PIWIL2: variants seen among roughly 807,000 people sequenced by gnomAD.
PIWIL2 encodes the protein piwi-like protein 2.
A neutral mutation model predicts 116.5 loss-of-function variants in PIWIL2; 81 were observed. The observed-to-expected ratio is 0.70, with a 90% CI of 0.58 to 0.84. The LOEUF is 0.84. Ranked by LOEUF, PIWIL2 falls within the 40% of genes least tolerant of loss-of-function variation. The probability of loss-of-function intolerance (pLI) is 0.00; values close to 1 mark genes in which losing one functional copy is unlikely to be tolerated. For synonymous variants in PIWIL2, 489 were observed against 429.5 expected (o/e 1.14, Z -1.71); for missense variants, 1,272 against 1,212.3 (o/e 1.05, Z -0.73).
At chr8:22,287,295 AG>A (rs1327197068) in intron 6 of PIWIL2, among the ~76,000 whole-genome samples, 2 of 152,224 alleles carry the variant, frequency 1.3e-5, no homozygotes, top group Admixed American at 6.5e-5. Context: ...GTGCTAAGGC[AG>A]GTGTCCTTTG....
At position 22,281,492 on chromosome 8, in the gene PIWIL2, A is replaced by G. The variant is rs368889743; in HGVS notation, c.402A>G (p.Ala134=). ...KVLAAGDSKM[A]ETSVGWSRTL... ...TGGCGGCTGGGGACAGCAAGATGGC[A>G]GAGACCTCCGTTGGTTGGAGTAGGT... The change falls in exon 4 of 23, where the codon GCA becomes GCG. Residue 134 remains alanine (A), a synonymous_variant. Transcript: ENST00000356766. 8.2e-6 allele frequency: 13 copies of G among 1,590,040 alleles called. No homozygotes were observed. The highest frequency in any genetic ancestry group is 1.1e-5 in the Non-Finnish European group (13 of 1,174,408).
chr8:22,345,305 C>T (rs908108349), intron 20 of PIWIL2, among the ~76,000 whole-genome samples: 39 of 152,184 alleles, frequency 2.6e-4, no homozygotes, highest in Non-Finnish European at 4.4e-4. Flanking sequence ...AAACACAAGT[C>T]CACACAAAAA....
chr8:22,281,167 A>G lies in PIWIL2; in HGVS notation c.246A>G (p.Thr82=). The G allele has an allele frequency of 1.9e-6, 3 of 1,612,884 alleles. No individual in the cohort carries two copies. Among genetic ancestry groups the G allele is most frequent in the Non-Finnish European group, 2.5e-6 (3 of 1,179,512 alleles). Reference sequence around the variant, plus strand: ...TGTTCCGAGGCCTGGGCATTGAAACAGTTTCTAAGACCCCTCTGAAACGGG... The same window carrying G: ...TGTTCCGAGGCCTGGGCATTGAAACGGTTTCTAAGACCCCTCTGAAACGGG... ...VSMFRGLGIE[T]VSKTPLKREM... is the part of the protein sequence containing the mutation. Residue 82 remains threonine (T), a synonymous_variant, in exon 3 of 23, where the codon ACA becomes ACG. Transcript: ENST00000356766.
At chr8:22,318,393 C>G in intron 20 of PIWIL2, 118 bp downstream of exon 20, 2 of 588,032 alleles carry the variant, frequency 3.4e-6, no homozygotes, top group Non-Finnish European at 6.1e-6. Flanking sequence ...TCTCTGTTCA[C>G]TGCAACCTCT....
chr8:22,306,803 C>G (rs1831192802), intron 13 of PIWIL2, among the ~76,000 whole-genome samples: 1 of 152,162 alleles, frequency 6.6e-6, no homozygotes, highest in Non-Finnish European at 1.5e-5. Context: ...AAGGCCTTTT[C>G]TATACAACTC....
chr8:22,335,934 A>G (rs938803449), intron 20 of PIWIL2, among the ~76,000 whole-genome samples: 2 of 152,214 alleles, frequency 1.3e-5, no homozygotes, highest in Non-Finnish European at 1.5e-5. Flanking sequence ...AAAAGAGTCA[A>G]TCCATGAGAA....
chr8:22,300,032 C>T lies in PIWIL2; in HGVS notation c.1182-3989C>T, dbSNP rs1020294951. 3.9e-5 allele frequency among the ~76,000 whole-genome samples: 6 copies of T among 152,154 alleles called. 1 individual carries two copies. Among genetic ancestry groups the T allele is most frequent in the African/African-American group, 4.8e-5 (2 of 41,508 alleles). On this transcript the variant is annotated intron_variant, in intron 10 of 22. Coordinates refer to ENST00000356766, the MANE Select transcript of PIWIL2 (RefSeq NM_018068.5). ...TCAGCTCGCTGCAACCTCCATCTCC[C>T]GGGTTCAGGTGATTCTCCTGCCTAG...
chr8:22,313,232 C>A (rs191991557), intron 16 of PIWIL2, among the ~76,000 whole-genome samples: 2 of 152,226 alleles, frequency 1.3e-5, no homozygotes, highest in Admixed American at 1.3e-4. Flanking sequence ...TATGAGGAAT[C>A]ACAAACTCGT....
chr8:22,333,103 C>T (rs979314485), intron 20 of PIWIL2, among the ~76,000 whole-genome samples: 4 of 151,926 alleles, frequency 2.6e-5, no homozygotes, highest in East Asian at 1.9e-4. Context: ...TACTCATTTA[C>T]GTTACACTTT....
At chr8:22,354,554 C>T (rs1223515355) in intron 22 of PIWIL2, among the ~76,000 whole-genome samples, 176 bp downstream of exon 22, 2 of 152,076 alleles carry the variant, frequency 1.3e-5, no homozygotes, top group Non-Finnish European at 2.9e-5. Context: ...ATTAAAATTA[C>T]TTTTACTTAA....
At chr8:22,300,014 G>A (rs1412030365) in intron 10 of PIWIL2, among the ~76,000 whole-genome samples, 7 of 151,728 alleles carry the variant, frequency 4.6e-5, no homozygotes, top group African/African-American at 1.5e-4. Context: ...ATCTCAGCTC[G>A]CTGCAACCTC....
intron 10 of PIWIL2, among the ~76,000 whole-genome samples, chr8:22,292,132 G>A (rs1384013462): frequency 6.6e-6 from 1 of 152,162 alleles, no homozygotes; most frequent in Non-Finnish European, 1.5e-5. Context: ...GGCTAGAGCC[G>A]AGTGAGCAAG....
chr8:22,318,608 G>A (rs955469645), intron 20 of PIWIL2, among the ~76,000 whole-genome samples: 6 of 152,146 alleles, frequency 3.9e-5, no homozygotes, highest in Non-Finnish European at 8.8e-5. Flanking sequence ...GTGAGCCACC[G>A]CGCCTGGCCA....
chr8:22,305,428 G>A (rs1010704224), intron 12 of PIWIL2, among the ~76,000 whole-genome samples: 5 of 152,070 alleles, frequency 3.3e-5, no homozygotes, highest in Non-Finnish European at 7.4e-5. Flanking sequence ...TCCTGACCTC[G>A]TGATTTGCCC....
In PIWIL2 at chr8:22,281,501, C is replaced by T. The variant is rs372952166; in HGVS notation, c.411C>T (p.Ser137=). 68 of 1,582,682 alleles carry T rather than the reference C, an allele frequency of 4.3e-5. No homozygotes were observed. Among genetic ancestry groups the T allele is most frequent in the African/African-American group, 2.9e-4 (21 of 72,574 alleles). Residue 137 remains serine (S), a synonymous_variant, in exon 4 of 23, where the codon TCC becomes TCT. Transcript: ENST00000356766. ...GGGACAGCAAGATGGCAGAGACCTC[C>T]GTTGGTTGGAGTAGGTGGGTAAAGT... ...AAGDSKMAET[S]VGWSRTLGRG...
At chr8:22,353,642 C>T (rs1266949446) in intron 21 of PIWIL2, among the ~76,000 whole-genome samples, 2 of 150,162 alleles carry the variant, frequency 1.3e-5, no homozygotes, top group Non-Finnish European at 3.0e-5. Context: ...TGTCTCAAAA[C>T]GAAACAAAAA....
At chr8:22,342,586 A>G (rs572799107) in intron 20 of PIWIL2, among the ~76,000 whole-genome samples, 124 of 152,262 alleles carry the variant, frequency 8.1e-4, no homozygotes, top group Non-Finnish European at 1.4e-3. Flanking sequence ...AAAAAACTCT[A>G]TGCATAGACC....
At chr8:22,290,665 C>A (rs1387609597) in intron 10 of PIWIL2, among the ~76,000 whole-genome samples, 1 of 139,062 alleles carries the variant, frequency 7.2e-6, no homozygotes, top group East Asian at 2.2e-4. Flanking sequence ...TGTTTCCCAG[C>A]CTGCTATGTT....
chr8:22,337,625 G>A (rs988255103), intron 20 of PIWIL2, among the ~76,000 whole-genome samples: 7 of 151,838 alleles, frequency 4.6e-5, no homozygotes, highest in African/African-American at 1.7e-4. Context: ...GAGGTACTTG[G>A]GAGATGAGAC....
Sources: gnomAD v4.1 joint callset for allele counts (sites outside exome capture counted in the v4.1 genomes callset) on GRCh38, gnomAD v4.1.1 for gene constraint, MANE v1.5 for transcripts, NCBI Gene and HGNC (gene_info 2026-07-23, HGNC 2026-07-21) for gene names.